PIP4K2B: variants seen among roughly 807,000 people sequenced by gnomAD.
The protein encoded by PIP4K2B is phosphatidylinositol-5-phosphate 4-kinase type 2 beta.
A neutral mutation model predicts 42.0 loss-of-function variants in PIP4K2B; 3 were observed. The observed-to-expected ratio is 0.07, with a 90% CI of 0.03 to 0.18. The LOEUF is 0.18. Among genes scored for constraint, PIP4K2B ranks in the 10% least tolerant of loss-of-function variants. The pLI is 1.00. For synonymous variants in PIP4K2B, 204 were observed against 210.1 expected (o/e 0.97, Z 0.25); for missense variants, 332 against 562.3 (o/e 0.59, Z 4.14).
At chr17:38,787,580 A>G (rs1910103138) in intron 1 of PIP4K2B, among the ~76,000 whole-genome samples, 1 of 152,060 alleles carries the variant, frequency 6.6e-6, no homozygotes, top group Non-Finnish European at 1.5e-5. Flanking sequence ...AGGCAATACT[A>G]TATTATTTAT....
chr17:38,788,212 T>G (rs1315507110), intron 1 of PIP4K2B, among the ~76,000 whole-genome samples: 1 of 118,550 alleles, frequency 8.4e-6, no homozygotes, highest in Non-Finnish European at 2.0e-5. Context: ...ATTTATTTAT[T>G]TATTTATAGA....
chr17:38,773,877 G>A (rs1193960984), intron 7 of PIP4K2B, among the ~76,000 whole-genome samples: 2 of 152,148 alleles, frequency 1.3e-5, no homozygotes, highest in Non-Finnish European at 2.9e-5. Context: ...CATTTATAAA[G>A]CAACATGCAT....
At chr17:38,776,741 G>A (rs994300164) in intron 7 of PIP4K2B, 8 of 350,272 alleles carry the variant, frequency 2.3e-5, no homozygotes, top group African/African-American at 4.3e-5. Flanking sequence ...TGGTTTTAAC[G>A]AGCAGCCTCT....
At position 38,768,226 on chromosome 17, in the gene PIP4K2B, T is replaced by C. The variant is rs541057372; in HGVS notation, c.*1465A>G. 1.2e-4 allele frequency: 18 copies of C among 152,422 alleles called. No homozygotes were observed. The highest frequency in any genetic ancestry group is 4.1e-4 in the South Asian group (2 of 4,830). 9.4% of individuals were successfully genotyped at this position (152,422 alleles called of 1,614,324 possible). A position where few individuals can be genotyped will look rare whatever the true frequency, so the allele number is the denominator to read the frequency against. ...GAGGGGGTGAGAAGATGCAGGAATG[T>C]ACCTCCCCCAATGCAGAACAACAGA... On this transcript the variant is annotated 3_prime_UTR_variant, in exon 10 of 10. Transcript: ENST00000619039.
intron 1 of PIP4K2B, among the ~76,000 whole-genome samples, chr17:38,793,073 C>G (rs140564922): frequency 2.0e-5 from 3 of 151,916 alleles, no homozygotes; most frequent in African/African-American, 4.8e-5. Flanking sequence ...GGATTACAGG[C>G]GCATGCCACC....
rs990746844 is a variant in PIP4K2B at position 38,768,670 on chromosome 17, G to A, written c.*1021C>T. 4 of 152,220 alleles carry A rather than the reference G, an allele frequency of 2.6e-5. No homozygotes were observed. In the South Asian group the frequency reaches 6.2e-4, roughly 24 times the overall value. 9.4% of individuals were successfully genotyped at this position (152,220 alleles called of 1,614,324 possible). On this transcript the variant is annotated 3_prime_UTR_variant, in exon 10 of 10. Coordinates refer to ENST00000619039, the MANE Select transcript of PIP4K2B (RefSeq NM_003559.5). ...CCCAGAGCTAAGAGTTCGGCTAGAA[G>A]TAAGAGTGCCTGGGAGGAGGTCAGA...
At chr17:38,788,257 G>T (rs948803815) in intron 1 of PIP4K2B, among the ~76,000 whole-genome samples, 1 of 151,514 alleles carries the variant, frequency 6.6e-6, no homozygotes, top group Non-Finnish European at 1.5e-5. Flanking sequence ...CTGGAGTACA[G>T]TGGTGCGATC....
In PIP4K2B at chr17:38,778,349, C is replaced by T. The variant is rs200521282; in HGVS notation, c.678G>A (p.Ala226=). The T allele has an allele frequency of 2.0e-5, 33 of 1,614,064 alleles. No individual in the cohort carries two copies. Among genetic ancestry groups the T allele is most frequent in the African/African-American group, 6.7e-5 (5 of 74,998 alleles). ...ACCAGCATACCTTCTCCTTGTCGCT[C>T]GCTTCTCTGGCAACCGTAGAACCCT... The part of the protein sequence containing the change: ...DLKGSTVARE[A]SDKEKAKDLP... Residue 226 remains alanine (A), a synonymous_variant, in exon 6 of 10, where the codon GCG becomes GCA. Coordinates refer to ENST00000619039, the MANE Select transcript of PIP4K2B (RefSeq NM_003559.5).
chr17:38,792,903 C>G (rs1163876314), intron 1 of PIP4K2B: 2 of 152,188 alleles, frequency 1.3e-5, no homozygotes, highest in Non-Finnish European at 2.9e-5. Context: ...AAACTTCATT[C>G]AAAGGCCTGA....
chr17:38,789,707 T>C (rs1272840689), intron 1 of PIP4K2B, among the ~76,000 whole-genome samples: 3 of 152,178 alleles, frequency 2.0e-5, no homozygotes, highest in African/African-American at 7.2e-5. Context: ...CATATCTTCC[T>C]AGAGTTGGGA....
chr17:38,777,070 C>T (rs558186113), intron 7 of PIP4K2B, among the ~76,000 whole-genome samples: 27 of 152,002 alleles, frequency 1.8e-4, no homozygotes, highest in South Asian at 1.2e-3. Context: ...CCAACTTTTT[C>T]GGTTTTTGTT....
At position 38,799,371 on chromosome 17, in the gene PIP4K2B, G is replaced by C; in HGVS notation, c.54C>G (p.Ala18=). 6.2e-7 allele frequency: 1 copy of C among 1,607,772 alleles called. No homozygotes were observed. The highest frequency in any genetic ancestry group is 1.1e-5 in the South Asian group (1 of 90,666). The change falls in exon 1 of 10, where the codon GCC becomes GCG. Residue 18 remains alanine (A), a synonymous_variant. Transcript: ENST00000619039. This position sits in a 1 kb window ranked among gnomAD's most constrained non-coding sequence, Gnocchi z 4.4. ...GCTTCTTCTTGGTCTTGGTCTTGCT[G>C]GCGCTGAGCGGCGCCACCGCCACCG... ...TTAVAVAPLS[A]SKTKTKKKHF...
chr17:38,795,681 G>A (rs1910618389), intron 1 of PIP4K2B, among the ~76,000 whole-genome samples: 2 of 151,744 alleles, frequency 1.3e-5, no homozygotes, highest in African/African-American at 4.8e-5. Flanking sequence ...AACCAAGGAG[G>A]CGGAGGTTAC....
intron 7 of PIP4K2B, among the ~76,000 whole-genome samples, chr17:38,772,870 TG>T (rs1909121439): frequency 6.6e-6 from 1 of 152,162 alleles, no homozygotes; most frequent in African/African-American, 2.4e-5. Flanking sequence ...TGTGAGCCAC[TG>T]CACCTGGCCA....
At chr17:38,773,962 A>G (rs1909178870) in intron 7 of PIP4K2B, among the ~76,000 whole-genome samples, 2 of 152,234 alleles carry the variant, frequency 1.3e-5, no homozygotes, top group African/African-American at 4.8e-5. Context: ...TAGAAAAGGG[A>G]GAAGGACAAA....
Position 38,769,755 on chromosome 17 carries a change from G to A in PIP4K2B, c.1187C>T (p.Ser396Leu). ...GGAGTACTGCTCAGGGTTCACAGTC[G>A]AGATCTCGGCCCCTGCCTGTAATAC... ...TVKHGAGAEISTVNPEQYSKR... is the reference protein window; with the variant it reads ...TVKHGAGAEILTVNPEQYSKR... Residue 396 changes from serine (S) to leucine (L), a missense_variant, in exon 10 of 10, where the codon TCG becomes TTG. Coordinates refer to ENST00000619039, the MANE Select transcript of PIP4K2B (RefSeq NM_003559.5). 1.2e-6 allele frequency: 2 copies of A among 1,612,226 alleles called. No homozygotes were observed. The highest frequency in any genetic ancestry group is 1.7e-6 in the Non-Finnish European group (2 of 1,179,244).
intron 1 of PIP4K2B, among the ~76,000 whole-genome samples, chr17:38,791,406 ATTTTTTTTTTT>A (rs58027566): frequency 4.4e-5 from 4 of 91,156 alleles, no homozygotes; most frequent in African/African-American, 2.0e-4. Context: ...CAGACTGCCA[ATTTTTTTTTTT>A]TTTTTTTTTT....
intron 1 of PIP4K2B, among the ~76,000 whole-genome samples, chr17:38,796,067 G>A (rs1448216246): frequency 1.3e-5 from 2 of 152,134 alleles, no homozygotes; most frequent in Non-Finnish European, 2.9e-5. Flanking sequence ...GAACCCGGGA[G>A]GTGGAGGTTG....
Position 38,766,929 on chromosome 17 carries a change from A to G in PIP4K2B, c.*2762T>C. On this transcript the variant is annotated 3_prime_UTR_variant, in exon 10 of 10. Coordinates refer to ENST00000619039, the MANE Select transcript of PIP4K2B (RefSeq NM_003559.5). ...GGAGACTACAGTGTCTCGGCTGCGG[A>G]CTTGTGGAAGAAGAGGGGGAAGGAT... 1 of 152,502 alleles carries G rather than the reference A, an allele frequency of 6.6e-6. No homozygotes were observed. 9.4% of individuals were successfully genotyped at this position (152,502 alleles called of 1,614,324 possible). A position where few individuals can be genotyped will look rare whatever the true frequency, so the allele number is the denominator to read the frequency against.
Sources: gnomAD v4.1 joint callset for allele counts (sites outside exome capture counted in the v4.1 genomes callset) on GRCh38, gnomAD v4.1.1 for gene constraint, Gnocchi (gnomAD v3.1) non-coding constraint, MANE v1.5 for transcripts, NCBI Gene and HGNC (gene_info 2026-07-23, HGNC 2026-07-21) for gene names.